DTNA: variants seen among roughly 807,000 people sequenced by gnomAD.
DTNA encodes the protein dystrobrevin alpha.
DTNA carries 43 observed loss-of-function variants against 100.7 expected under a neutral mutation model. The observed-to-expected ratio is 0.43, with a 90% confidence interval of 0.33 to 0.55. The LOEUF (loss-of-function observed/expected upper bound fraction) is 0.55, where lower values mean the gene tolerates loss of function less well. Among genes scored for constraint, DTNA ranks in the 20% least tolerant of loss-of-function variants. The probability of loss-of-function intolerance (pLI) is 0.04; values close to 1 mark genes in which losing one functional copy is unlikely to be tolerated. For synonymous variants in DTNA, 349 were observed against 347.9 expected, an observed-to-expected ratio of 1.00 and a Z score of -0.04; for missense variants, 798 against 953.9, an observed-to-expected ratio of 0.84 and a Z score of 2.15.
At position 34,811,942 on chromosome 18, in the gene DTNA, C is replaced by A; in HGVS notation, c.449-17C>A. 1 of 1,613,652 alleles carries A rather than the reference C, an allele frequency of 6.2e-7. No homozygotes were observed. The highest frequency in any genetic ancestry group is 1.1e-5 in the South Asian group (1 of 91,052). On this transcript the variant is annotated splice_polypyrimidine_tract_variant and intron_variant, in intron 5 of 22. Transcript: ENST00000444659. The stretch of plus-strand genomic sequence containing the variant: ...TGTTCATGTGATGAATAATATCTTT[C>A]CTTTTCCTTTCATCAGATATTTTCT...
At chr18:34,796,113 A>C (rs963177925) in intron 4 of DTNA, among the ~76,000 whole-genome samples, 1 of 152,244 alleles carries the variant, frequency 6.6e-6, no homozygotes, top group Non-Finnish European at 1.5e-5. Flanking sequence ...TTATAAACAC[A>C]TCCACATAGA....
At chr18:34,716,412 A>G (rs1410357474) in intron 1 of DTNA, among the ~76,000 whole-genome samples, 3 of 152,062 alleles carry the variant, frequency 2.0e-5, no homozygotes. Context: ...AAATACAAAA[A>G]ATTAGCTGGG....
chr18:34,502,260 T>G (rs2040005861), intron 1 of DTNA, among the ~76,000 whole-genome samples: 1 of 152,222 alleles, frequency 6.6e-6, no homozygotes, highest in Non-Finnish European at 1.5e-5. Context: ...TCTTCTCTCT[T>G]TTCTGTCAGT....
intron 1 of DTNA, among the ~76,000 whole-genome samples, chr18:34,542,257 C>T (rs557429970): frequency 6.6e-6 from 1 of 152,058 alleles, no homozygotes; most frequent in African/African-American, 2.4e-5. Flanking sequence ...TCTATAAATT[C>T]ACTTTTATCA....
chr18:34,741,186 G>A (rs1189897412), intron 1 of DTNA, among the ~76,000 whole-genome samples: 1 of 152,108 alleles, frequency 6.6e-6, no homozygotes, highest in African/African-American at 2.4e-5. Flanking sequence ...ATTCACTGAG[G>A]TACTGGCTTT....
At chr18:34,500,173 A>T (rs558529680) in intron 1 of DTNA, among the ~76,000 whole-genome samples, 1 of 152,124 alleles carries the variant, frequency 6.6e-6, no homozygotes, top group Non-Finnish European at 1.5e-5. Context: ...TTGATATTTA[A>T]TCCATACATG....
At chr18:34,668,624 T>C (rs970558766) in intron 1 of DTNA, among the ~76,000 whole-genome samples, 1 of 152,250 alleles carries the variant, frequency 6.6e-6, no homozygotes, top group Non-Finnish European at 1.5e-5. Flanking sequence ...TGGTATGTTT[T>C]GTCTTTGTTC....
rs559751686 is a variant in DTNA at position 34,670,184 on chromosome 18, A to C, written c.-1-85792A>C. Among the ~76,000 whole-genome samples the C allele has an allele frequency of 5.3e-5, 8 of 152,170 alleles. No individual in the cohort carries two copies. The East Asian group carries it at 1.4e-3, about 26-fold the overall frequency. The stretch of plus-strand genomic sequence containing the variant: ...CATTTCATTCATTTGGTCTTCCATC[A>C]CTGATACCCTTTCTTCCAGTTGATC... On this transcript the variant is annotated intron_variant, in intron 1 of 19. Transcript: ENST00000283365.
intron 1 of DTNA, among the ~76,000 whole-genome samples, chr18:34,694,934 C>T (rs2080297379): frequency 1.3e-5 from 2 of 152,210 alleles, no homozygotes; most frequent in South Asian, 2.1e-4. Flanking sequence ...CAGATTTAGC[C>T]TCCCTCAGTT....
At chr18:34,832,446 C>G (rs2096035947) in intron 11 of DTNA, among the ~76,000 whole-genome samples, 1 of 152,150 alleles carries the variant, frequency 6.6e-6, no homozygotes, top group African/African-American at 2.4e-5. Context: ...CTCTCTTGTT[C>G]AGTTCAGTAA....
chr18:34,725,855 C>T (rs918027434), intron 1 of DTNA, among the ~76,000 whole-genome samples: 5 of 152,176 alleles, frequency 3.3e-5, no homozygotes, highest in African/African-American at 1.2e-4. Context: ...ACCCAAATGT[C>T]CATCGATGAT....
intron 1 of DTNA, among the ~76,000 whole-genome samples, chr18:34,569,666 C>G (rs2047399711): frequency 6.6e-6 from 1 of 152,102 alleles, no homozygotes; most frequent in Admixed American, 6.5e-5. Context: ...AGTCAAAAAT[C>G]TACAGAGTGG....
At chr18:34,750,480 A>G (rs767113339) in intron 1 of DTNA, among the ~76,000 whole-genome samples, 6 of 152,196 alleles carry the variant, frequency 3.9e-5, no homozygotes, top group Non-Finnish European at 7.3e-5. Flanking sequence ...TACCAATTTC[A>G]GAAAATCTTA....
intron 12 of DTNA, 59 bp from the exon 13 acceptor site, chr18:34,838,686 T>C (rs1227184079): frequency 6.9e-7 from 1 of 1,450,020 alleles, no homozygotes; most frequent in Non-Finnish European, 9.7e-7. Flanking sequence ...CTACCTCCTC[T>C]ACTTATTTCT....
At chr18:34,887,364 T>C (rs1258259472) in intron 22 of DTNA, among the ~76,000 whole-genome samples, 1 of 152,158 alleles carries the variant, frequency 6.6e-6, no homozygotes, top group Non-Finnish European at 1.5e-5. Context: ...CCTTGGCCAC[T>C]CACATCCAAG....
In DTNA at chr18:34,521,738, G is replaced by C. The variant is rs140404588; in HGVS notation, c.-2+28224G>C. Among the ~76,000 whole-genome samples the C allele has an allele frequency of 4.2e-3, 637 of 152,238 alleles. 3 individuals are homozygous for C. Among genetic ancestry groups the C allele is most frequent in the Non-Finnish European group, 7.2e-3 (489 of 68,014 alleles). ...GCGGCTTACTCTCTCGCTTCACACA[G>C]GTCTCTGTTCACATATCCTCAGTGA... On this transcript the variant is annotated intron_variant, in intron 1 of 19. Transcript: ENST00000283365.
At chr18:34,820,679 C>T (rs1312335248) in intron 8 of DTNA, 112 bp from the exon 9 acceptor site, 12 of 1,541,584 alleles carry the variant, frequency 7.8e-6, no homozygotes, top group South Asian at 5.8e-5. Context: ...AGAATCAGCA[C>T]TGAAAAAGGA....
chr18:34,576,988 T>C (rs2048173889), intron 1 of DTNA, among the ~76,000 whole-genome samples: 1 of 152,030 alleles, frequency 6.6e-6, no homozygotes. Flanking sequence ...CAAAAACTTC[T>C]CTCCCAAAAC....
rs1568924414 is a variant in DTNA at position 34,890,227 on chromosome 18, C to G, written c.*2493C>G. On this transcript the variant is annotated 3_prime_UTR_variant, in exon 23 of 23. Transcript: ENST00000444659. The stretch of plus-strand genomic sequence containing the variant: ...TGGTTGTTGATATCGTCATATAAAG[C>G]CATTGCAAGGACTCTGGAAACTGCC... 1.7e-5 allele frequency: 26 copies of G among 1,487,462 alleles called. No homozygotes were observed. In the South Asian group the frequency reaches 3.5e-4, roughly 20 times the overall value. The allele number at this position is 1,487,462 out of a possible 1,614,324, so 92.1% of individuals were successfully genotyped here.
Sources: gnomAD v4.1 joint callset for allele counts (sites outside exome capture counted in the v4.1 genomes callset) on GRCh38, gnomAD v4.1.1 for gene constraint, MANE v1.5 for transcripts, NCBI Gene and HGNC (gene_info 2026-07-23, HGNC 2026-07-21) for gene names.